Variants in MAP3K8 observed in about 807,000 individuals in gnomAD.
MAP3K8 encodes the protein Ewing sarcoma transformant.
A neutral mutation model predicts 45.8 loss-of-function variants in MAP3K8; 22 were observed. The ratio of observed to expected loss-of-function variants is 0.48; its 90% CI spans 0.34 to 0.69. The LOEUF is 0.69. Ranked by LOEUF, MAP3K8 falls within the 30% of genes least tolerant of loss-of-function variation. MAP3K8 has a pLI of 0.01. For synonymous variants in MAP3K8, 223 were observed against 214.3 expected, an observed-to-expected ratio of 1.04 and a Z score of -0.36; for missense variants, 419 against 585.0, an observed-to-expected ratio of 0.72 and a Z score of 2.93.
chr10:30,459,233 A>G, intron 7 of MAP3K8, 22 bp from the exon 8 acceptor site: 1 of 1,613,850 alleles, frequency 6.2e-7, no homozygotes, highest in Non-Finnish European at 8.5e-7. Context: ...CTTTGATGCT[A>G]AGAGAGCTGG....
chr10:30,450,699 A>C, intron 5 of MAP3K8, 180 bp downstream of exon 5: 1 of 605,134 alleles, frequency 1.7e-6, no homozygotes, highest in Non-Finnish European at 2.9e-6. Flanking sequence ...TAGAGCTTTC[A>C]AAGTCATAAG....
intron 3 of MAP3K8, among the ~76,000 whole-genome samples, chr10:30,443,211 G>T (rs1017071591): frequency 7.7e-6 from 1 of 130,286 alleles, no homozygotes; most frequent in South Asian, 2.1e-4. Flanking sequence ...CCCTGGGCTG[G>T]TCATTTCACC....
At chr10:30,450,684 G>C in intron 5 of MAP3K8, 165 bp downstream of exon 5, 1 of 624,594 alleles carries the variant, frequency 1.6e-6, no homozygotes, top group East Asian at 2.7e-5. Context: ...ATCATGCGGG[G>C]TTACTAGAGC....
intron 3 of MAP3K8, 79 bp downstream of exon 3, chr10:30,439,353 GA>G: frequency 6.4e-7 from 1 of 1,568,152 alleles, no homozygotes. Flanking sequence ...AGTGGTGTTT[GA>G]ATTTGGCTTA....
At chr10:30,453,889 A>C (rs1836636506) in intron 6 of MAP3K8, among the ~76,000 whole-genome samples, 1 of 141,700 alleles carries the variant, frequency 7.1e-6, no homozygotes, top group Non-Finnish European at 1.5e-5. Context: ...AAAAGAAAAA[A>C]AGAAGGAAGG....
intron 2 of MAP3K8, among the ~76,000 whole-genome samples, 184 bp downstream of exon 2, chr10:30,437,590 A>T (rs1437720956): frequency 1.3e-5 from 2 of 152,232 alleles, no homozygotes; most frequent in African/African-American, 4.8e-5. Context: ...CTTTCCTCAG[A>T]CACAATTCAT....
chr10:30,437,508 G>C (rs1427259380), intron 2 of MAP3K8, 102 bp downstream of exon 2: 3 of 158,594 alleles, frequency 1.9e-5, no homozygotes, highest in African/African-American at 7.2e-5. Context: ...TGGGAGTGTG[G>C]GGGGAGGCAA....
chr10:30,439,416 T>G, intron 3 of MAP3K8, 142 bp downstream of exon 3: 1 of 1,394,300 alleles, frequency 7.2e-7, no homozygotes, highest in Non-Finnish European at 9.5e-7. Flanking sequence ...TAAGAAGTAC[T>G]TCCATGTTAA....
At chr10:30,457,491 T>C (rs1324750624) in intron 6 of MAP3K8, among the ~76,000 whole-genome samples, 1 of 152,212 alleles carries the variant, frequency 6.6e-6, no homozygotes, top group Non-Finnish European at 1.5e-5. Context: ...CTGTTTGTAG[T>C]TCATTTAAAT....
chr10:30,448,096 A>C, intron 4 of MAP3K8, 147 bp downstream of exon 4: 1 of 691,868 alleles, frequency 1.4e-6, no homozygotes, highest in Non-Finnish European at 2.3e-6. Flanking sequence ...GTTTTTCTGA[A>C]TTTATTGGCT....
intron 6 of MAP3K8, among the ~76,000 whole-genome samples, chr10:30,454,303 G>T (rs1265087826): frequency 1.3e-5 from 2 of 152,122 alleles, no homozygotes; most frequent in Admixed American, 1.3e-4. Context: ...GAACTGGATT[G>T]CAGCCACAAA....
intron 7 of MAP3K8, 69 bp from the exon 8 acceptor site, chr10:30,459,186 C>A: frequency 6.4e-7 from 1 of 1,570,248 alleles, no homozygotes; most frequent in Non-Finnish European, 8.7e-7. Flanking sequence ...GGTCCTGGTA[C>A]TAGCATGCTT....
chr10:30,459,924 C>A (rs1053374896), intron 8 of MAP3K8, among the ~76,000 whole-genome samples: 2 of 151,874 alleles, frequency 1.3e-5, no homozygotes, highest in Non-Finnish European at 2.9e-5. Context: ...GTCACTGCAA[C>A]CTCTGCCTCC....
At chr10:30,442,038 T>A (rs998037711) in intron 3 of MAP3K8, among the ~76,000 whole-genome samples, 1 of 152,222 alleles carries the variant, frequency 6.6e-6, no homozygotes, top group African/African-American at 2.4e-5. Context: ...TACATAGGGA[T>A]GGGGAAACTT....
In MAP3K8 at chr10:30,450,609, C is replaced by T. The variant is rs3818603; in HGVS notation, c.766+90C>T. 3,205 of 1,229,680 alleles carry T rather than the reference C, an allele frequency of 2.6e-3. 48 individuals are homozygous for T. In the East Asian group the frequency reaches 0.047, roughly 18 times the overall value. 76.2% of individuals were successfully genotyped at this position (1,229,680 alleles called of 1,614,324 possible). On this transcript the variant is annotated intron_variant, in intron 5 of 8. Transcript: ENST00000263056. ...CTCCTTCCTGTAATCTGAAGACCCT[C>T]CATGGAGGGTGGAAAGCTCCCTCAG...
intron 3 of MAP3K8, among the ~76,000 whole-genome samples, chr10:30,443,816 G>A (rs188302588): frequency 3.9e-5 from 6 of 152,328 alleles, no homozygotes; most frequent in Admixed American, 3.9e-4. Flanking sequence ...GATAGGAAGT[G>A]TGCTTATAAT....
intron 3 of MAP3K8, among the ~76,000 whole-genome samples, chr10:30,442,386 T>C (rs1836144693): frequency 6.6e-6 from 1 of 152,180 alleles, no homozygotes; most frequent in South Asian, 2.1e-4. Context: ...AGGGTCCAGG[T>C]GGAGAAAACA....
chr10:30,448,487 C>T (rs1048489213), intron 4 of MAP3K8, among the ~76,000 whole-genome samples: 2 of 150,802 alleles, frequency 1.3e-5, no homozygotes, highest in African/African-American at 4.9e-5. Context: ...GGCTGGAGTG[C>T]AGTGTCGGGG....
intron 3 of MAP3K8, among the ~76,000 whole-genome samples, chr10:30,441,348 G>T (rs1836100325): frequency 6.6e-6 from 1 of 152,034 alleles, no homozygotes. Flanking sequence ...GTAGAGATGG[G>T]TTTTCACCAT....
Sources: gnomAD v4.1 joint callset for allele counts (sites outside exome capture counted in the v4.1 genomes callset) on GRCh38, gnomAD v4.1.1 for gene constraint, MANE v1.5 for transcripts, NCBI Gene and HGNC (gene_info 2026-07-23, HGNC 2026-07-21) for gene names.